PTPRT: variants seen among roughly 807,000 people sequenced by gnomAD.
PTPRT encodes the protein receptor-type tyrosine-protein phosphatase T.
A neutral mutation model predicts 176.8 loss-of-function variants in PTPRT; 56 were observed. The observed-to-expected ratio is 0.32, with a 90% CI of 0.26 to 0.40. PTPRT has a LOEUF of 0.40. Among genes scored for constraint, PTPRT ranks in the 10% least tolerant of loss-of-function variants. PTPRT has a pLI of 1.00. For missense variants in PTPRT, 1,540 were observed against 1,908.2 expected (o/e 0.81, Z 3.60); for synonymous variants, 783 against 739.0 (o/e 1.06, Z -0.96).
intron 15 of PTPRT, among the ~76,000 whole-genome samples, chr20:42,204,761 A>G (rs1383787960): frequency 6.6e-6 from 1 of 150,982 alleles, no homozygotes; most frequent in East Asian, 1.9e-4. Flanking sequence ...TACAAGGGAT[A>G]CTGGCAGGTA....
intron 2 of PTPRT, among the ~76,000 whole-genome samples, chr20:42,798,813 CT>C (rs1313940021): frequency 6.6e-6 from 1 of 152,060 alleles, no homozygotes; most frequent in African/African-American, 2.4e-5. Flanking sequence ...AAACAACTAT[CT>C]AATAATCCAT....
intron 7 of PTPRT, among the ~76,000 whole-genome samples, chr20:42,672,956 A>G (rs1277626896): frequency 6.6e-6 from 1 of 152,202 alleles, no homozygotes; most frequent in Non-Finnish European, 1.5e-5. Context: ...AGTGCCTAGC[A>G]CAGAATTTGG....
At chr20:42,705,206 G>A (rs958969894) in intron 6 of PTPRT, among the ~76,000 whole-genome samples, 1 of 151,996 alleles carries the variant, frequency 6.6e-6, no homozygotes, top group Non-Finnish European at 1.5e-5. Flanking sequence ...ATTGTATCTC[G>A]AAATAATAAT....
intron 5 of PTPRT, among the ~76,000 whole-genome samples, chr20:42,769,541 A>G (rs2077033002): frequency 6.6e-6 from 1 of 152,224 alleles, no homozygotes; most frequent in Admixed American, 6.5e-5. Flanking sequence ...AAATGGTACA[A>G]CCATTTTTTC....
At chr20:42,355,389 C>T (rs916945368) in intron 9 of PTPRT, among the ~76,000 whole-genome samples, 26 of 152,186 alleles carry the variant, frequency 1.7e-4, no homozygotes, top group African/African-American at 6.3e-4. Flanking sequence ...TTCAAATCCC[C>T]ATCTCAGGGT....
At chr20:42,512,446 G>A (rs886160166) in intron 7 of PTPRT, among the ~76,000 whole-genome samples, 1 of 152,180 alleles carries the variant, frequency 6.6e-6, no homozygotes, top group Non-Finnish European at 1.5e-5. Flanking sequence ...GATTCATCCA[G>A]TTGTGTGTAT....
chr20:42,783,303 A>C (rs2145509402), intron 3 of PTPRT, among the ~76,000 whole-genome samples: 1 of 152,314 alleles, frequency 6.6e-6, no homozygotes, highest in East Asian at 1.9e-4. Flanking sequence ...GGTTGAGAAT[A>C]ATATTTGTAA....
At chr20:42,630,435 G>C (rs559223041) in intron 7 of PTPRT, among the ~76,000 whole-genome samples, 58 of 152,194 alleles carry the variant, frequency 3.8e-4, no homozygotes, top group African/African-American at 1.3e-3. Context: ...CCTGACTTGG[G>C]GGGAGGGTAA....
chr20:42,696,206 CCTT>C lies in PTPRT; in HGVS notation c.860-18050_860-18048del, dbSNP rs758858352. Among the ~76,000 whole-genome samples the C allele has an allele frequency of 7.3e-5, 11 of 150,396 alleles. No homozygotes were observed. In the South Asian group the frequency reaches 2.1e-3, roughly 29 times the overall value. ...ATCTCCCAATCATCTCTCTCTTTCT[CCTT>C]CTTCTCACTTTCCCCTGATCTCTTT... is the stretch of plus-strand genomic sequence containing the variant. On this transcript the variant is annotated intron_variant, in intron 6 of 30. Coordinates refer to ENST00000373187, the MANE Select transcript of PTPRT (RefSeq NM_007050.6).
At chr20:42,041,669 C>T in the PTPRT span, among the ~76,000 whole-genome samples, 1 of 152,278 alleles carries the variant, frequency 6.6e-6, no homozygotes, top group East Asian at 1.9e-4. Context: ...TGAGCAACTC[C>T]CTCTTTCTGC....
intron 9 of PTPRT, among the ~76,000 whole-genome samples, chr20:42,385,865 G>A (rs2058739849): frequency 6.6e-6 from 1 of 152,118 alleles, no homozygotes; most frequent in Non-Finnish European, 1.5e-5. Flanking sequence ...ATGGACATGT[G>A]GGGATTATTA....
intron 4 of PTPRT, among the ~76,000 whole-genome samples, chr20:42,778,459 A>G (rs924776915): frequency 1.3e-5 from 2 of 152,158 alleles, no homozygotes; most frequent in African/African-American, 2.4e-5. Context: ...ACCTACTAGA[A>G]AGCTAAAGTC....
chr20:42,866,913 A>G (rs1456164742), intron 2 of PTPRT, among the ~76,000 whole-genome samples: 1 of 152,222 alleles, frequency 6.6e-6, no homozygotes, highest in Admixed American at 6.5e-5. Flanking sequence ...AGGCTGTTGT[A>G]AAGACTTAAT....
chr20:42,219,958 C>A (rs1600693593), intron 15 of PTPRT, among the ~76,000 whole-genome samples: 1 of 152,124 alleles, frequency 6.6e-6, no homozygotes, highest in Non-Finnish European at 1.5e-5. Flanking sequence ...CCTAACACAT[C>A]GTTCATGCAG....
intron 5 of PTPRT, among the ~76,000 whole-genome samples, chr20:42,770,874 T>C (rs2077052399): frequency 6.6e-6 from 1 of 152,248 alleles, no homozygotes. Context: ...TCTGGGTTTC[T>C]GCATGTATAA....
At position 42,909,916 on chromosome 20, in the gene PTPRT, T is replaced by A. The variant is rs554754518; in HGVS notation, c.89-23984A>T. Among the ~76,000 whole-genome samples, 4 of 152,368 alleles carry A rather than the reference T, an allele frequency of 2.6e-5. No individual in the cohort carries two copies. In the South Asian group the frequency reaches 8.3e-4, roughly 32 times the overall value. ...ACTGTAATTCAGACTTTTCCTAGTT[T>A]GTTAAAATTTGCTGATGCCAATCGG... On this transcript the variant is annotated intron_variant, in intron 1 of 30. Transcript: ENST00000373187.
At chr20:42,859,633 G>C (rs1180406766) in intron 2 of PTPRT, among the ~76,000 whole-genome samples, 1 of 141,752 alleles carries the variant, frequency 7.1e-6, no homozygotes, top group Non-Finnish European at 1.5e-5. Context: ...ACCCAGGCTG[G>C]AGTGCAGTGG....
intron 7 of PTPRT, among the ~76,000 whole-genome samples, chr20:42,484,269 G>C (rs230156): frequency 0.27 from 40,440 of 151,996 alleles, 5,782 homozygotes; most frequent in East Asian, 0.39. Context: ...ATTAGTTGTT[G>C]CAAACAACTT....
intron 2 of PTPRT, among the ~76,000 whole-genome samples, chr20:42,859,077 A>G (rs1215372975): frequency 6.6e-6 from 1 of 152,160 alleles, no homozygotes; most frequent in African/African-American, 2.4e-5. Context: ...AAGGGACTCC[A>G]GTAGATAGCG....
Sources: allele counts gnomAD v4.1 joint callset (sites outside exome capture counted in the v4.1 genomes callset), GRCh38; gene constraint gnomAD v4.1.1; transcripts MANE v1.5; gene names NCBI Gene and HGNC (gene_info 2026-07-23, HGNC 2026-07-21).